The following PALLD variants were observed in gnomAD, a reference collection of about 807,000 sequenced individuals.
PALLD encodes the protein palladin.
Under a neutral mutation model 123.5 loss-of-function variants are expected in PALLD, and 61 were observed. The ratio of observed to expected loss-of-function variants is 0.49; its 90% CI spans 0.40 to 0.61. The LOEUF (loss-of-function observed/expected upper bound fraction) is 0.61. Among genes scored for constraint, PALLD ranks in the 20% least tolerant of loss-of-function variants. The pLI is 0.00. For synonymous variants in PALLD, 465 were observed against 496.4 expected, an observed-to-expected ratio of 0.94 and a Z score of 0.84; for missense variants, 1,273 against 1,377.0, an observed-to-expected ratio of 0.92 and a Z score of 1.20.
chr4:168,799,090 A>T (rs1738933797), intron 10 of PALLD, among the ~76,000 whole-genome samples: 1 of 152,192 alleles, frequency 6.6e-6, no homozygotes, highest in African/African-American at 2.4e-5. Context: ...ATCAGAAGTG[A>T]AGTACAGAAA....
At chr4:168,497,534 G>A (rs1760877631) in intron 1 of PALLD, among the ~76,000 whole-genome samples, 1 of 152,148 alleles carries the variant, frequency 6.6e-6, no homozygotes, top group African/African-American at 2.4e-5. Flanking sequence ...TATGTGTTAT[G>A]TTTCACAGAA....
intron 8 of PALLD, among the ~76,000 whole-genome samples, chr4:168,703,851 C>G (rs867687859): frequency 3.8e-5 from 5 of 130,508 alleles, no homozygotes; most frequent in Non-Finnish European, 8.2e-5. Context: ...TTCTCCCATT[C>G]TGTAGGTTGC....
At chr4:168,647,668 C>A (rs1777602783) in intron 2 of PALLD, among the ~76,000 whole-genome samples, 1 of 151,432 alleles carries the variant, frequency 6.6e-6, no homozygotes, top group Non-Finnish European at 1.5e-5. Context: ...GTAATCTCAG[C>A]TACTCCGGAG....
chr4:168,612,463 T>C (rs1383178680), intron 2 of PALLD, among the ~76,000 whole-genome samples: 1 of 152,132 alleles, frequency 6.6e-6, no homozygotes, highest in Non-Finnish European at 1.5e-5. Context: ...TTGTGTCAAG[T>C]TGAGCCCCAA....
At chr4:168,668,537 G>A (rs1323099852) in intron 3 of PALLD, among the ~76,000 whole-genome samples, 169 bp downstream of exon 3, 1 of 152,080 alleles carries the variant, frequency 6.6e-6, no homozygotes, top group African/African-American at 2.4e-5. Context: ...CGACATTTAG[G>A]CACCCATCAA....
chr4:168,733,723 TG>T (rs994824602), intron 10 of PALLD, among the ~76,000 whole-genome samples: 238 of 152,082 alleles, frequency 1.6e-3, no homozygotes, highest in African/African-American at 5.4e-3. Flanking sequence ...TGTTTTTTGT[TG>T]TTGTTGTTGG....
intron 2 of PALLD, among the ~76,000 whole-genome samples, chr4:168,647,331 C>T (rs902123726): frequency 6.6e-6 from 1 of 152,154 alleles, no homozygotes; most frequent in Admixed American, 6.5e-5. Flanking sequence ...AGAAGATTCT[C>T]TAGTTCACTT....
chr4:168,837,639 C>A (rs566219967), intron 10 of PALLD, among the ~76,000 whole-genome samples: 1 of 152,328 alleles, frequency 6.6e-6, no homozygotes, highest in Admixed American at 6.5e-5. Context: ...CACAATCCCA[C>A]GTAGTGAGTA....
chr4:168,645,557 A>C lies in PALLD; in HGVS notation c.909-22633A>C, dbSNP rs151031716. ...TGTGTGACTTTGAGACATTTATTGA[A>C]CCTCCCTGGGCCTCAGTTTCCTCTT... is the stretch of plus-strand genomic sequence containing the variant. On this transcript the variant is annotated intron_variant, in intron 2 of 21. Transcript: ENST00000505667. 6.5e-3 allele frequency among the ~76,000 whole-genome samples: 980 copies of C among 151,886 alleles called. 6 individuals carry two copies. The highest frequency in any genetic ancestry group is 0.022 in the African/African-American group (903 of 41,374).
chr4:168,510,022 G>C (rs970854348), intron 1 of PALLD, among the ~76,000 whole-genome samples: 1 of 152,110 alleles, frequency 6.6e-6, no homozygotes, highest in African/African-American at 2.4e-5. Flanking sequence ...CCATTTCTGG[G>C]GAATGTCCCA....
intron 10 of PALLD, among the ~76,000 whole-genome samples, chr4:168,739,750 A>G (rs929046733): frequency 1.3e-5 from 2 of 152,218 alleles, no homozygotes; most frequent in Non-Finnish European, 2.9e-5. Context: ...TGTTGATAAT[A>G]TAGAAGTTGC....
At chr4:168,517,067 G>A (rs1427872165) in intron 2 of PALLD, among the ~76,000 whole-genome samples, 2 of 152,190 alleles carry the variant, frequency 1.3e-5, no homozygotes, top group Non-Finnish European at 2.9e-5. Flanking sequence ...GACGCACAGG[G>A]AATGCGCCAC....
At chr4:168,762,240 A>G (rs1307782080) in intron 10 of PALLD, among the ~76,000 whole-genome samples, 1 of 152,156 alleles carries the variant, frequency 6.6e-6, no homozygotes, top group Non-Finnish European at 1.5e-5. Flanking sequence ...TTGGGAGCCA[A>G]TCCAGGCAAA....
intron 10 of PALLD, among the ~76,000 whole-genome samples, chr4:168,821,750 C>T (rs185580064): frequency 6.5e-4 from 98 of 151,912 alleles, no homozygotes; most frequent in Non-Finnish European, 5.3e-4. Context: ...CATGGTGGCG[C>T]GTGCCTGTAT....
Position 168,709,069 on chromosome 4 carries a change from G to A in PALLD, c.1543G>A (p.Asp515Asn). 6.2e-7 allele frequency: 1 copy of A among 1,610,970 alleles called. No homozygotes were observed. Among genetic ancestry groups the A allele is most frequent in the Non-Finnish European group, 8.5e-7 (1 of 1,177,152 alleles). ...AGTTATCGCTGAGACTTTCCCTGAA[G>A]ATGCAGGGATCTTTACATGTTCAGC... ...TLVIAETFPE[D>N]AGIFTCSARN... The change falls in exon 9 of 22, where the codon GAT becomes AAT. Residue 515 changes from aspartate (D) to asparagine (N), a missense_variant. By Grantham distance (23) the Asp-to-Asn change is conservative. This residue lies in a region of PALLD where 944 missense variants were observed against 954.5 expected (regional missense o/e 0.99). Coordinates refer to ENST00000505667, the MANE Select transcript of PALLD (RefSeq NM_001166108.2).
At chr4:168,848,968 A>G (rs769926100) in intron 10 of PALLD, among the ~76,000 whole-genome samples, 1 of 152,204 alleles carries the variant, frequency 6.6e-6, no homozygotes, top group Non-Finnish European at 1.5e-5. Flanking sequence ...GTCAGTAAAG[A>G]TGAGAGGGGG....
chr4:168,787,747 TAGTC>T (rs1269525690), intron 10 of PALLD, among the ~76,000 whole-genome samples: 1 of 152,234 alleles, frequency 6.6e-6, no homozygotes, highest in Non-Finnish European at 1.5e-5. Flanking sequence ...AGTTTGCTGA[TAGTC>T]AACTACTTTC....
chr4:168,514,465 A>G (rs543956795), intron 2 of PALLD, among the ~76,000 whole-genome samples: 1 of 152,356 alleles, frequency 6.6e-6, no homozygotes, highest in Admixed American at 6.5e-5. Flanking sequence ...AGAAACTGAC[A>G]GCAGGGGGCA....
chr4:168,514,035 G>T (rs926107704), intron 2 of PALLD, among the ~76,000 whole-genome samples: 2 of 152,096 alleles, frequency 1.3e-5, no homozygotes, highest in Admixed American at 1.3e-4. Context: ...GAACCTGGGA[G>T]GCAGAGGTTG....
Sources: gnomAD v4.1 joint callset for allele counts (sites outside exome capture counted in the v4.1 genomes callset) on GRCh38, gnomAD v4.1.1 for gene constraint, gnomAD v4.1.1 regional missense constraint, MANE v1.5 for transcripts, NCBI Gene and HGNC (gene_info 2026-07-23, HGNC 2026-07-21) for gene names.